Variants in DSCAM observed in about 807,000 individuals in gnomAD.
DSCAM encodes cell adhesion molecule DSCAM.
In DSCAM, 47 loss-of-function variants were observed where a neutral mutation model predicts 217.7. That is an observed-to-expected ratio of 0.22 (90% CI 0.17 to 0.28). The LOEUF (loss-of-function observed/expected upper bound fraction) is 0.28. Among genes scored for constraint, DSCAM ranks in the 10% least tolerant of loss-of-function variants. The pLI, the probability that DSCAM is intolerant of heterozygous loss-of-function variation, is 1.00. For missense variants in DSCAM, 2,080 were observed against 2,618.3 expected (o/e 0.79, Z 4.49); for synonymous variants, 1,056 against 1,015.3 (o/e 1.04, Z -0.76).
At chr21:40,743,613 T>A (rs973858324) in intron 1 of DSCAM, among the ~76,000 whole-genome samples, 5 of 152,178 alleles carry the variant, frequency 3.3e-5, no homozygotes, top group African/African-American at 1.2e-4. Flanking sequence ...ATGTATATTT[T>A]AAAAAATTAA....
intron 3 of DSCAM, among the ~76,000 whole-genome samples, chr21:40,521,533 T>C (rs1016767042): frequency 6.6e-6 from 1 of 151,900 alleles, no homozygotes. Context: ...TGTTTTCATA[T>C]ACCTGTTGTC....
chr21:40,722,897 G>T (rs1489552280), intron 1 of DSCAM, among the ~76,000 whole-genome samples: 1 of 152,022 alleles, frequency 6.6e-6, no homozygotes, highest in Non-Finnish European at 1.5e-5. Flanking sequence ...GTAGATTTTA[G>T]AATAAGAAAT....
chr21:40,234,384 A>C (rs2091407687), intron 11 of DSCAM, among the ~76,000 whole-genome samples: 1 of 152,198 alleles, frequency 6.6e-6, no homozygotes, highest in Non-Finnish European at 1.5e-5. Context: ...TGTCCACTTC[A>C]GAGGCTGATG....
intron 4 of DSCAM, among the ~76,000 whole-genome samples, chr21:40,368,388 T>C (rs1489296593): frequency 6.6e-6 from 1 of 152,142 alleles, no homozygotes; most frequent in Non-Finnish European, 1.5e-5. Context: ...AATTGACTTG[T>C]AAAAGAACAG....
chr21:40,329,047 T>C (rs2074347831), intron 8 of DSCAM, among the ~76,000 whole-genome samples: 1 of 152,212 alleles, frequency 6.6e-6, no homozygotes, highest in African/African-American at 2.4e-5. Context: ...AAAGAGAAGC[T>C]TTGTACTGTA....
intron 17 of DSCAM, 64 bp from the exon 18 acceptor site, chr21:40,142,768 A>G: frequency 2.6e-6 from 4 of 1,516,876 alleles, no homozygotes; most frequent in Non-Finnish European, 3.5e-6. Context: ...CAATAACCGA[A>G]AAAGCAACGT....
chr21:40,615,296 A>AAG lies in DSCAM; in HGVS notation c.508+77513_508+77514insCT, dbSNP rs1490654865. Reference sequence around the variant, plus strand: ...GACTCTGTCTCAAAAAAAAAAAAAAAAAAGAAAAGAAAAGAAAATTGATGG... The same window carrying AAG: ...GACTCTGTCTCAAAAAAAAAAAAAAAAGAAAGAAAAGAAAAGAAAATTGATGG... On this transcript the variant is annotated intron_variant, in intron 3 of 32. Transcript: ENST00000400454. The AAG allele has an allele frequency of 2.0e-4, 30 of 151,282 alleles. 1 individual carries two copies. The highest frequency in any genetic ancestry group is 1.2e-3 in the Admixed American group (18 of 15,214). The allele number at this position is 151,282 out of a possible 1,614,324, so 9.4% of individuals were successfully genotyped here. A position where few individuals can be genotyped will look rare whatever the true frequency, so the allele number is the denominator to read the frequency against.
At chr21:40,102,231 AT>A (rs1436243369) in intron 20 of DSCAM, among the ~76,000 whole-genome samples, 3 of 152,246 alleles carry the variant, frequency 2.0e-5, no homozygotes, top group Non-Finnish European at 4.4e-5. Flanking sequence ...TGCCTAAAAA[AT>A]AAATGGAAAC....
At chr21:40,188,991 T>C in intron 12 of DSCAM, 51 bp downstream of exon 12, 1 of 1,577,112 alleles carries the variant, frequency 6.3e-7, no homozygotes, top group Non-Finnish European at 8.7e-7. Flanking sequence ...AGGAAAGACT[T>C]ATTCTTCCAA....
chr21:40,412,377 C>G (rs1399815463), intron 3 of DSCAM, among the ~76,000 whole-genome samples: 1 of 152,116 alleles, frequency 6.6e-6, no homozygotes, highest in Non-Finnish European at 1.5e-5. Context: ...TTTGGAACTC[C>G]CTAGAGCCTA....
intron 32 of DSCAM, among the ~76,000 whole-genome samples, chr21:40,033,160 G>C (rs990815402): frequency 6.6e-6 from 1 of 152,098 alleles, no homozygotes; most frequent in Non-Finnish European, 1.5e-5. Context: ...TATTGTGCCT[G>C]GGGGGGAGGA....
chr21:40,543,828 C>T (rs2076560282), intron 3 of DSCAM, among the ~76,000 whole-genome samples: 1 of 151,954 alleles, frequency 6.6e-6, no homozygotes, highest in Admixed American at 6.5e-5. Flanking sequence ...TTCATAATCT[C>T]CTGTTTAAAA....
At chr21:40,175,770 A>AACACACAC (rs1329501944) in intron 15 of DSCAM, among the ~76,000 whole-genome samples, 10,190 of 126,192 alleles carry the variant, frequency 0.081, 452 homozygotes, top group Middle Eastern at 0.083. Flanking sequence ...ATATTTTCTC[A>AACACACAC]ACACACACAT....
At chr21:40,729,065 T>A (rs1018034385) in intron 1 of DSCAM, among the ~76,000 whole-genome samples, 15 of 152,374 alleles carry the variant, frequency 9.8e-5, no homozygotes, top group African/African-American at 3.6e-4. Context: ...AAGCTGTAAC[T>A]ATTGCTTCTG....
intron 16 of DSCAM, among the ~76,000 whole-genome samples, chr21:40,164,003 T>C: frequency 6.6e-6 from 1 of 152,178 alleles, no homozygotes; most frequent in Non-Finnish European, 1.5e-5. Context: ...TCACCTCTCC[T>C]TCACTTACCC....
chr21:40,406,853 G>A (rs1329058197), intron 3 of DSCAM, among the ~76,000 whole-genome samples: 4 of 152,036 alleles, frequency 2.6e-5, no homozygotes, highest in Non-Finnish European at 4.4e-5. Flanking sequence ...TCCTGACCTC[G>A]AGTGATCCAC....
In DSCAM at chr21:40,846,715, G is replaced by C; in HGVS notation, c.-54C>G. 1 of 919,018 alleles carries C rather than the reference G, an allele frequency of 1.1e-6. No individual in the cohort carries two copies. Among genetic ancestry groups the C allele is most frequent in the Non-Finnish European group, 1.3e-6 (1 of 750,352 alleles). 56.9% of individuals were successfully genotyped at this position (919,018 alleles called of 1,614,324 possible). A position where few individuals can be genotyped will look rare whatever the true frequency, so the allele number is the denominator to read the frequency against. On this transcript the variant is annotated 5_prime_UTR_variant, in exon 1 of 33. Coordinates refer to ENST00000400454, the MANE Select transcript of DSCAM (RefSeq NM_001389.5). ...GCGACGCGCCGGCCTCGCCCCCCGCGCTCCGCCCGGCCCGGCTCCGCTCGC... is the reference window on the plus strand; with the variant it reads ...GCGACGCGCCGGCCTCGCCCCCCGCCCTCCGCCCGGCCCGGCTCCGCTCGC...
At chr21:40,430,738 C>T (rs1409570916) in intron 3 of DSCAM, among the ~76,000 whole-genome samples, 10 of 152,352 alleles carry the variant, frequency 6.6e-5, no homozygotes, top group African/African-American at 1.7e-4. Flanking sequence ...GTCTATCTTC[C>T]TCCTGTGTAG....
chr21:40,137,795 G>A (rs983085540), intron 18 of DSCAM, among the ~76,000 whole-genome samples: 9 of 152,108 alleles, frequency 5.9e-5, no homozygotes, highest in Non-Finnish European at 8.8e-5. Context: ...CATCCTCAGA[G>A]GGTTTTAAGG....
Sources: allele counts gnomAD v4.1 joint callset (sites outside exome capture counted in the v4.1 genomes callset), GRCh38; gene constraint gnomAD v4.1.1; transcripts MANE v1.5; gene names NCBI Gene and HGNC (gene_info 2026-07-23, HGNC 2026-07-21).